LZTS1: variants seen among roughly 807,000 people sequenced by gnomAD.
LZTS1 encodes leucine zipper tumor suppressor 1.
A neutral mutation model predicts 45.8 loss-of-function variants in LZTS1; 31 were observed. The observed-to-expected ratio is 0.68, with a 90% CI of 0.51 to 0.91. The LOEUF is 0.91. Ranked by LOEUF, LZTS1 falls within the 40% of genes least tolerant of loss-of-function variation. LZTS1 has a pLI of 0.00. For synonymous variants in LZTS1, 359 were observed against 357.3 expected (o/e 1.00, Z -0.05); for missense variants, 821 against 788.9 (o/e 1.04, Z -0.49).
chr8:20,303,755 C>T lies in LZTS1; in HGVS notation c.-150G>A, dbSNP rs1801123785. ...CGCACCTTACCTGCCCCCTGCGCCT[C>T]GGGCGCACTTGAGACTTTTTTTTTT... On this transcript the variant is annotated 5_prime_UTR_variant, in exon 1 of 4. Transcript: ENST00000381569. 2.0e-6 allele frequency: 2 copies of T among 984,630 alleles called. No individual in the cohort carries two copies. 61.0% of individuals were successfully genotyped at this position (984,630 alleles called of 1,614,324 possible).
At chr8:20,259,728 A>G (rs532158330) in intron 1 of LZTS1, among the ~76,000 whole-genome samples, 7 of 152,208 alleles carry the variant, frequency 4.6e-5, no homozygotes, top group Non-Finnish European at 1.0e-4. Context: ...GGCTCTTCAC[A>G]TACATCAGCC....
chr8:20,259,783 T>C (rs1011982835), intron 1 of LZTS1, among the ~76,000 whole-genome samples: 9 of 151,894 alleles, frequency 5.9e-5, no homozygotes, highest in African/African-American at 2.2e-4. Context: ...GTCTGCAAGG[T>C]GGCTTTCTCC....
chr8:20,293,931 A>C (rs1800940867), intron 1 of LZTS1, among the ~76,000 whole-genome samples: 1 of 152,210 alleles, frequency 6.6e-6, no homozygotes, highest in South Asian at 2.1e-4. Flanking sequence ...TCAAAAAAAC[A>C]AATAACAATA....
At chr8:20,301,120 CAA>C (rs71222143) in intron 1 of LZTS1, among the ~76,000 whole-genome samples, 221 of 107,098 alleles carry the variant, frequency 2.1e-3, no homozygotes, top group African/African-American at 7.6e-3. Context: ...GACTCCGTCT[CAA>C]AAAAAAAAAA....
At chr8:20,302,852 G>T (rs989578813) in intron 1 of LZTS1, among the ~76,000 whole-genome samples, 2 of 152,116 alleles carry the variant, frequency 1.3e-5, no homozygotes, top group African/African-American at 4.8e-5. Flanking sequence ...TGACATACTC[G>T]TGGGCGAGCA....
intron 1 of LZTS1, among the ~76,000 whole-genome samples, chr8:20,280,047 A>G (rs1800658189): frequency 6.6e-6 from 1 of 152,066 alleles, no homozygotes; most frequent in South Asian, 2.1e-4. Flanking sequence ...AAGAAGTAGA[A>G]TTGCTACTGA....
Position 20,252,804 on chromosome 8 carries a change from G to T in LZTS1, c.1127C>A (p.Ala376Glu). The change falls in exon 3 of 4, where the codon GCG becomes GAG. Residue 376 changes from alanine to glutamate, a missense_variant. By Grantham distance (107) the Ala-to-Glu change is moderately radical. Transcript: ENST00000381569. The stretch of plus-strand genomic sequence containing the variant: ...CACCTCCCACTGGGTCTCCTCCAGC[G>T]CGGGGCCGAAGCTGGTCTTCTCCCT... ...YEREKTSFGP[A>E]LEETQWEVCQ... 6.5e-7 allele frequency: 1 copy of T among 1,528,498 alleles called. No individual in the cohort carries two copies. The highest frequency in any genetic ancestry group is 1.3e-5 in the South Asian group (1 of 79,034). 94.7% of individuals were successfully genotyped at this position (1,528,498 alleles called of 1,614,324 possible).
intron 1 of LZTS1, among the ~76,000 whole-genome samples, chr8:20,299,869 A>G (rs1801045419): frequency 6.6e-6 from 1 of 152,232 alleles, no homozygotes; most frequent in Non-Finnish European, 1.5e-5. Context: ...TCAAAGAGCT[A>G]ATATGTAAAT....
chr8:20,251,595 CTTCGGTTTTCATCA>C (rs1799911528), intron 3 of LZTS1, among the ~76,000 whole-genome samples: 1 of 152,144 alleles, frequency 6.6e-6, no homozygotes, highest in Non-Finnish European at 1.5e-5. Flanking sequence ...TAACCTGTGG[CTTCGGTTTTCATCA>C]TTGCTCTTGG....
intron 1 of LZTS1, among the ~76,000 whole-genome samples, chr8:20,257,788 G>T (rs962069313): frequency 6.6e-6 from 1 of 150,956 alleles, no homozygotes; most frequent in East Asian, 2.0e-4. Flanking sequence ...TCCCACCTCA[G>T]TCTCCCACAT....
In LZTS1 at chr8:20,253,524, G is replaced by A. The variant is rs145228542; in HGVS notation, c.407C>T (p.Ala136Val). 11 of 1,541,000 alleles carry A rather than the reference G, an allele frequency of 7.1e-6. No individual in the cohort carries two copies. In the South Asian group the frequency reaches 1.1e-4, roughly 15 times the overall value. Residue 136 changes from alanine (A) to valine (V), a missense_variant, in exon 3 of 4, where the codon GCC becomes GTC. Physicochemically the swap from Ala to Val is moderately conservative, Grantham distance 64. Transcript: ENST00000381569. ...ACTCTCCGGGGAGGAGTGCAGGATG[G>A]CTCCTGACCGTGGCAGCACAGGCTT... Reference protein sequence around the residue: ...AFKPVLPRSGAILHSSPESAS... With the variant: ...AFKPVLPRSGVILHSSPESAS...
chr8:20,259,799 A>C (rs1800186222), intron 1 of LZTS1, among the ~76,000 whole-genome samples: 2 of 151,926 alleles, frequency 1.3e-5, no homozygotes, highest in South Asian at 4.2e-4. Context: ...TCTCCAGTTA[A>C]TCTTGAAACC....
At chr8:20,286,550 T>C (rs1321125604) in intron 1 of LZTS1, among the ~76,000 whole-genome samples, 1 of 152,194 alleles carries the variant, frequency 6.6e-6, no homozygotes, top group Non-Finnish European at 1.5e-5. Context: ...CATACACCAC[T>C]GGAGGGAGTG....
rs199769408 is a variant in LZTS1, at chr8:20,249,968, C to G, written c.1545G>C (p.Arg515=). 8 of 1,613,960 alleles carry G rather than the reference C, an allele frequency of 5.0e-6. No individual in the cohort carries two copies. The African/African-American group carries it at 1.1e-4, about 21-fold the overall frequency. ...CCGAGGACATCTGGTCATGGCCTTGCCGCTCCTCCCGCAGCTCGGCCCGCA... is the reference window on the plus strand; with the variant it reads ...CCGAGGACATCTGGTCATGGCCTTGGCGCTCCTCCCGCAGCTCGGCCCGCA... ...ERLRAELREE[R]QGHDQMSSGF... is the part of the protein sequence containing the mutation. Residue 515 remains arginine (R), a synonymous_variant, in exon 4 of 4, where the codon CGG becomes CGC. Coordinates refer to ENST00000381569, the MANE Select transcript of LZTS1 (RefSeq NM_021020.5).
At chr8:20,286,570 T>G (rs746722195) in intron 1 of LZTS1, among the ~76,000 whole-genome samples, 127 of 152,332 alleles carry the variant, frequency 8.3e-4, no homozygotes, top group Admixed American at 1.1e-3. Context: ...GCAGACATGC[T>G]CAGCCACACT....
chr8:20,282,122 T>C (rs1800704307), intron 1 of LZTS1, among the ~76,000 whole-genome samples: 1 of 152,214 alleles, frequency 6.6e-6, no homozygotes. Flanking sequence ...CCTTTTCTAG[T>C]CACCACGAGG....
At chr8:20,261,870 G>A (rs983254637) in intron 1 of LZTS1, among the ~76,000 whole-genome samples, 2 of 152,164 alleles carry the variant, frequency 1.3e-5, no homozygotes, top group African/African-American at 4.8e-5. Context: ...AGCCGGAGAT[G>A]TTCAGCCTCC....
chr8:20,296,673 T>C (rs1232460242), intron 1 of LZTS1, among the ~76,000 whole-genome samples: 1 of 152,148 alleles, frequency 6.6e-6, no homozygotes, highest in Non-Finnish European at 1.5e-5. Flanking sequence ...TGAGAGTGGA[T>C]GAATGAAATG....
At chr8:20,278,492 C>T (rs1389156307) in intron 1 of LZTS1, among the ~76,000 whole-genome samples, 1 of 152,110 alleles carries the variant, frequency 6.6e-6, no homozygotes, top group Non-Finnish European at 1.5e-5. Flanking sequence ...ACACTTGACT[C>T]TCTCACAGGC....
Sources: allele counts gnomAD v4.1 joint callset (sites outside exome capture counted in the v4.1 genomes callset), GRCh38; gene constraint gnomAD v4.1.1; transcripts MANE v1.5; gene names NCBI Gene and HGNC (gene_info 2026-07-23, HGNC 2026-07-21).